PTPRT: variants seen among roughly 807,000 people sequenced by gnomAD.
PTPRT encodes the protein protein tyrosine phosphatase receptor type T, also known as receptor-type tyrosine-protein phosphatase T.
PTPRT carries 56 observed loss-of-function variants against 176.8 expected under a neutral mutation model. The observed-to-expected ratio is 0.32, with a 90% confidence interval of 0.26 to 0.40. The LOEUF is 0.40. Among genes scored for constraint, PTPRT ranks in the 10% least tolerant of loss-of-function variants. The pLI, the probability that PTPRT is intolerant of heterozygous loss-of-function variation, is 1.00. For missense variants in PTPRT, 1,540 were observed against 1,908.2 expected, an observed-to-expected ratio of 0.81 and a Z score of 3.60; for synonymous variants, 783 against 739.0, an observed-to-expected ratio of 1.06 and a Z score of -0.96.
In PTPRT at chr20:42,791,408, G is replaced by A. The variant is rs1434919256; in HGVS notation, c.273C>T (p.Leu91=). The A allele has an allele frequency of 6.2e-7, 1 of 1,614,088 alleles. No homozygotes were observed. The highest frequency in any genetic ancestry group is 1.3e-5 in the African/African-American group (1 of 75,068). The change falls in exon 3 of 31, where the codon CTC becomes CTT. Residue 91 remains leucine, a synonymous_variant. Transcript: ENST00000373187. ...TGTCATTCTCCTTCAGGGTTGGCAG[G>A]AGAAGGTGGGCCTTCTGGCCAGAGG... ...GRASGQKAHL[L]LPTLKENDTH...
chr20:42,418,850 G>A (rs1210281302), intron 9 of PTPRT, among the ~76,000 whole-genome samples: 2 of 152,156 alleles, frequency 1.3e-5, no homozygotes, highest in Non-Finnish European at 2.9e-5. Context: ...GGAGGAGGAA[G>A]CTATTAAAGA....
intron 7 of PTPRT, among the ~76,000 whole-genome samples, chr20:42,537,340 A>C (rs1416341677): frequency 6.6e-6 from 1 of 152,166 alleles, no homozygotes; most frequent in Non-Finnish European, 1.5e-5. Context: ...TGATTTGTAC[A>C]CTTATAAAGG....
chr20:42,080,962 A>T (rs775697095), intron 30 of PTPRT, 30 bp from the exon 31 acceptor site: 2 of 1,514,590 alleles, frequency 1.3e-6, no homozygotes, highest in Non-Finnish European at 1.8e-6. Context: ...AGAGGCAGAG[A>T]GGGAGAAGAG....
intron 7 of PTPRT, among the ~76,000 whole-genome samples, chr20:42,550,861 T>C (rs2072758080): frequency 6.6e-6 from 1 of 152,178 alleles, no homozygotes; most frequent in African/African-American, 2.4e-5. Context: ...TCAGTGTGTC[T>C]AAGTCTGATT....
intron 15 of PTPRT, among the ~76,000 whole-genome samples, chr20:42,211,437 A>G (rs1448690483): frequency 6.6e-6 from 1 of 151,272 alleles, no homozygotes; most frequent in African/African-American, 2.4e-5. Flanking sequence ...AATGAACTCA[A>G]ACAAATTTAC....
In PTPRT at chr20:42,436,908, T is replaced by G. The variant is rs372263095; in HGVS notation, c.1560+11312A>C. ...TGAACATTTGCAATACAATATGGAA[T>G]AAAAACGTCCCAAAAGCTTATACAC... On this transcript the variant is annotated intron_variant, in intron 9 of 30. Transcript: ENST00000373187. 1.1e-4 allele frequency among the ~76,000 whole-genome samples: 17 copies of G among 152,298 alleles called. No homozygotes were observed. The East Asian group carries it at 1.3e-3, about 12-fold the overall frequency.
intron 2 of PTPRT, among the ~76,000 whole-genome samples, chr20:42,859,454 C>A (rs534947998): frequency 6.6e-6 from 1 of 152,272 alleles, no homozygotes; most frequent in African/African-American, 2.4e-5. Context: ...GTCTCACCAA[C>A]ACTGATGTGT....
intron 15 of PTPRT, among the ~76,000 whole-genome samples, chr20:42,218,094 C>T (rs539532045): frequency 1.5e-4 from 23 of 152,242 alleles, no homozygotes; most frequent in Non-Finnish European, 2.2e-4. Context: ...AGCAAATGAT[C>T]GGTTAAAGCC....
chr20:42,736,184 A>G (rs1210625162), intron 6 of PTPRT, among the ~76,000 whole-genome samples: 2 of 152,150 alleles, frequency 1.3e-5, no homozygotes, highest in African/African-American at 4.8e-5. Context: ...AATGGTGGGG[A>G]AAGTTTCAGG....
At chr20:42,627,033 C>A (rs957443252) in intron 7 of PTPRT, among the ~76,000 whole-genome samples, 1 of 152,152 alleles carries the variant, frequency 6.6e-6, no homozygotes, top group Non-Finnish European at 1.5e-5. Context: ...ATTTCTGTAT[C>A]TTTTACTTTT....
rs576657286 is a variant in PTPRT, at chr20:42,855,628, C to T, written c.214+30179G>A. On this transcript the variant is annotated intron_variant, in intron 2 of 30. Transcript: ENST00000373187. ...TGTATTTTTAGTAGAGACATGGTTT[C>T]GCCATGTTGGCCAGGCTTGTCTAGA... is the stretch of plus-strand genomic sequence containing the variant. 5.5e-5 allele frequency among the ~76,000 whole-genome samples: 8 copies of T among 145,456 alleles called. No individual in the cohort carries two copies. The South Asian group carries it at 8.8e-4, about 16-fold the overall frequency.
chr20:43,023,457 T>C (rs1418248198), intron 1 of PTPRT, among the ~76,000 whole-genome samples: 1 of 152,150 alleles, frequency 6.6e-6, no homozygotes, highest in African/African-American at 2.4e-5. Context: ...TGAGGCCAAA[T>C]AGGTGGCCCA....
intron 8 of PTPRT, among the ~76,000 whole-genome samples, chr20:42,453,860 G>A (rs1045065854): frequency 5.5e-5 from 8 of 146,562 alleles, no homozygotes; most frequent in African/African-American, 1.0e-4. Context: ...TTTGAGACCC[G>A]GCTAATTTTT....
intron 1 of PTPRT, among the ~76,000 whole-genome samples, chr20:43,166,817 G>C (rs1275256992): frequency 6.6e-6 from 1 of 152,140 alleles, no homozygotes; most frequent in East Asian, 1.9e-4. Flanking sequence ...TTCAACACCG[G>C]GGTTATAAAT....
intron 2 of PTPRT, among the ~76,000 whole-genome samples, chr20:42,862,113 T>C (rs2078673105): frequency 6.6e-6 from 1 of 152,040 alleles, no homozygotes; most frequent in Non-Finnish European, 1.5e-5. Context: ...ATTTTACCCT[T>C]TTTTTTGGTA....
At chr20:42,665,108 T>G (rs2075291257) in intron 7 of PTPRT, among the ~76,000 whole-genome samples, 1 of 151,860 alleles carries the variant, frequency 6.6e-6, no homozygotes, top group South Asian at 2.1e-4. Context: ...TGGGATCTAA[T>G]TAAACTAAAG....
intron 14 of PTPRT, among the ~76,000 whole-genome samples, chr20:42,243,414 T>C (rs1303190665): frequency 1.3e-5 from 2 of 152,156 alleles, no homozygotes; most frequent in Non-Finnish European, 2.9e-5. Context: ...GCACAGTGGC[T>C]GCAGAGGAAC....
chr20:42,284,047 CTTCT>C (rs2057186110), intron 12 of PTPRT, among the ~76,000 whole-genome samples: 1 of 151,992 alleles, frequency 6.6e-6, no homozygotes, highest in Admixed American at 6.6e-5. Context: ...CATAAACATT[CTTCT>C]TTATCAATTC....
intron 6 of PTPRT, among the ~76,000 whole-genome samples, chr20:42,740,441 T>C (rs557124074): frequency 6.6e-6 from 1 of 152,206 alleles, no homozygotes; most frequent in South Asian, 2.1e-4. Flanking sequence ...CTCATCTCCA[T>C]CCTCCTGCTC....
Sources: gnomAD v4.1 joint callset for allele counts (sites outside exome capture counted in the v4.1 genomes callset) on GRCh38, gnomAD v4.1.1 for gene constraint, MANE v1.5 for transcripts, NCBI Gene and HGNC (gene_info 2026-07-23, HGNC 2026-07-21) for gene names.